Variants in ZEB1 observed in about 807,000 individuals in gnomAD.
ZEB1 encodes the protein zinc finger E-box binding homeobox 1.
In ZEB1, 21 loss-of-function variants were observed where a neutral mutation model predicts 84.9. That is an observed-to-expected ratio of 0.25 (90% CI 0.18 to 0.36). ZEB1 has a LOEUF of 0.36. Ranked by LOEUF, ZEB1 falls within the 10% of genes least tolerant of loss-of-function variation. ZEB1 has a pLI of 1.00. For synonymous variants in ZEB1, 420 were observed against 471.1 expected (o/e 0.89, Z 1.41); for missense variants, 1,104 against 1,330.2 (o/e 0.83, Z 2.65).
intron 2 of ZEB1, among the ~76,000 whole-genome samples, chr10:31,487,767 T>TA (rs1444643347): frequency 4.6e-5 from 7 of 151,388 alleles, no homozygotes; most frequent in Non-Finnish European, 1.0e-4. Context: ...TTCTTGTAGA[T>TA]ACGCTTTATC....
In ZEB1 at chr10:31,522,045, A is replaced by G. The variant is rs943529544; in HGVS notation, c.2604+109A>G. The G allele has an allele frequency of 6.1e-6, 9 of 1,487,540 alleles. No individual in the cohort carries two copies. In the Admixed American group the frequency reaches 9.5e-5, roughly 16 times the overall value. The allele number at this position is 1,487,540 out of a possible 1,614,324, so 92.1% of individuals were successfully genotyped here. A position where few individuals can be genotyped will look rare whatever the true frequency, so the allele number is the denominator to read the frequency against. ...CCCGTAGAGCCAACTAGATTATTAC[A>G]AACTGTCATTTTTAAAAGGATCAAT... is the stretch of plus-strand genomic sequence containing the variant. On this transcript the variant is annotated intron_variant, in intron 7 of 8. Transcript: ENST00000424869.
chr10:31,409,170 G>A (rs1482893782), intron 1 of ZEB1, among the ~76,000 whole-genome samples: 1 of 152,182 alleles, frequency 6.6e-6, no homozygotes, highest in Non-Finnish European at 1.5e-5. Context: ...GGCCATCAGA[G>A]AAATGCAAAT....
chr10:31,323,210 T>C (rs1409304682), intron 1 of ZEB1, among the ~76,000 whole-genome samples: 1 of 152,154 alleles, frequency 6.6e-6, no homozygotes, highest in Non-Finnish European at 1.5e-5. Flanking sequence ...TATGTAATAA[T>C]TGACCCATAT....
intron 1 of ZEB1, among the ~76,000 whole-genome samples, chr10:31,370,744 A>G (rs571891087): frequency 1.3e-5 from 2 of 152,338 alleles, no homozygotes; most frequent in Admixed American, 1.3e-4. Context: ...CTTTGATTAT[A>G]GTAAAAGGAG....
chr10:31,360,968 C>T (rs2042943449), intron 1 of ZEB1: 38 of 1,603,570 alleles, frequency 2.4e-5, no homozygotes, highest in Non-Finnish European at 2.8e-5. Context: ...GCGACCGCCA[C>T]GGAGCAGTGG....
intron 1 of ZEB1, among the ~76,000 whole-genome samples, chr10:31,411,259 G>A (rs1305423911): frequency 6.6e-6 from 1 of 152,112 alleles, no homozygotes; most frequent in East Asian, 1.9e-4. Context: ...GCTCCTGAAT[G>A]ACTACTGGGT....
intron 1 of ZEB1, among the ~76,000 whole-genome samples, chr10:31,457,674 C>T (rs1283935531): frequency 2.0e-5 from 3 of 151,960 alleles, no homozygotes; most frequent in Admixed American, 2.0e-4. Context: ...CTGCTAGAGT[C>T]CCAGAAAGTG....
chr10:31,322,889 G>A (rs2034498994), intron 1 of ZEB1, among the ~76,000 whole-genome samples: 1 of 151,966 alleles, frequency 6.6e-6, no homozygotes, highest in Admixed American at 6.6e-5. Context: ...ACCAGTAGAG[G>A]ATGCTAACAA....
chr10:31,383,796 A>G (rs1304206550), intron 1 of ZEB1, among the ~76,000 whole-genome samples: 1 of 152,108 alleles, frequency 6.6e-6, no homozygotes, highest in Non-Finnish European at 1.5e-5. Flanking sequence ...GTTCTATTGT[A>G]CAGTGTTGTA....
intron 1 of ZEB1, among the ~76,000 whole-genome samples, chr10:31,341,024 C>A (rs151161310): frequency 1.3e-5 from 2 of 152,056 alleles, no homozygotes; most frequent in African/African-American, 4.8e-5. Context: ...TGGAGAGATA[C>A]GAAACCAAAT....
chr10:31,456,589 C>T (rs2061266438), intron 1 of ZEB1, among the ~76,000 whole-genome samples: 1 of 152,054 alleles, frequency 6.6e-6, no homozygotes, highest in Non-Finnish European at 1.5e-5. Context: ...ATCAGTGTAA[C>T]GATTTTCAGT....
chr10:31,514,332 A>C (rs2070676368), intron 5 of ZEB1, among the ~76,000 whole-genome samples: 1 of 152,158 alleles, frequency 6.6e-6, no homozygotes, highest in Non-Finnish European at 1.5e-5. Flanking sequence ...GAACTCTGAT[A>C]CTTTAGAAAG....
At position 31,485,155 on chromosome 10, in the gene ZEB1, G is replaced by A. The variant is rs111839188; in HGVS notation, c.260-10621G>A. On this transcript the variant is annotated intron_variant, in intron 2 of 8. Coordinates refer to ENST00000424869, the MANE Select transcript of ZEB1 (RefSeq NM_001174096.2). ...TAATGAATTAATTTGAGGTGAAAAT[G>A]TTTCAGACAAGATGATCTTCAAATT... is the stretch of plus-strand genomic sequence containing the variant. 3.3e-3 allele frequency among the ~76,000 whole-genome samples: 499 copies of A among 151,996 alleles called. 3 individuals carry two copies. The highest frequency in any genetic ancestry group is 5.6e-3 in the Non-Finnish European group (379 of 67,908).
At chr10:31,480,698 A>C (rs2064929927) in intron 2 of ZEB1, among the ~76,000 whole-genome samples, 1 of 152,028 alleles carries the variant, frequency 6.6e-6, no homozygotes, top group Non-Finnish European at 1.5e-5. Flanking sequence ...CTTTCCCTGC[A>C]ATGTTGAACC....
At chr10:31,326,714 C>G (rs2035579028) in intron 1 of ZEB1, among the ~76,000 whole-genome samples, 1 of 152,094 alleles carries the variant, frequency 6.6e-6, no homozygotes. Context: ...GAACTAGATA[C>G]CATGAATTTT....
upstream of ZEB1, chr10:31,319,043 C>T: frequency 1.6e-6 from 1 of 639,186 alleles, no homozygotes; most frequent in Non-Finnish European, 2.9e-6. Context: ...CGCAAACCGC[C>T]CGGTCCCTAG....
intron 3 of ZEB1, among the ~76,000 whole-genome samples, chr10:31,501,821 T>C (rs1049726757): frequency 3.3e-5 from 5 of 152,220 alleles, no homozygotes; most frequent in Non-Finnish European, 7.4e-5. Context: ...TATGTGAATG[T>C]GGTCTCCCTC....
At chr10:31,488,716 T>C (rs1342633350) in intron 2 of ZEB1, among the ~76,000 whole-genome samples, 2 of 151,200 alleles carry the variant, frequency 1.3e-5, no homozygotes, top group Admixed American at 6.6e-5. Context: ...CAGATTTTGA[T>C]GTTTTTTATT....
intron 1 of ZEB1, among the ~76,000 whole-genome samples, chr10:31,384,014 C>T (rs1028960399): frequency 6.9e-6 from 1 of 145,634 alleles, no homozygotes; most frequent in African/African-American, 2.6e-5. Flanking sequence ...CACTCTGTCG[C>T]CCAGACTGGA....
Sources: allele counts gnomAD v4.1 joint callset (sites outside exome capture counted in the v4.1 genomes callset), GRCh38; gene constraint gnomAD v4.1.1; transcripts MANE v1.5; gene names NCBI Gene and HGNC (gene_info 2026-07-23, HGNC 2026-07-21).